CFTR: variants seen among roughly 807,000 people sequenced by gnomAD.
CFTR encodes CF transmembrane conductance regulator.
In CFTR, 181 loss-of-function variants were observed where a neutral mutation model predicts 171.6. That is an observed-to-expected ratio of 1.05 (90% CI 0.93 to 1.19). The LOEUF (loss-of-function observed/expected upper bound fraction) is 1.19. CFTR is among the 50% of genes most tolerant of loss of function. The probability of loss-of-function intolerance (pLI) is 0.00; values close to 1 mark genes in which losing one functional copy is unlikely to be tolerated. For missense variants in CFTR, 1,968 were observed against 1,734.7 expected (o/e 1.13, Z -2.39); for synonymous variants, 583 against 608.0 (o/e 0.96, Z 0.60).
chr7:117,633,969 T>A (rs1792789505), intron 22 of CFTR, among the ~76,000 whole-genome samples: 1 of 152,118 alleles, frequency 6.6e-6, no homozygotes, highest in South Asian at 2.1e-4. Context: ...TTGTGACATC[T>A]TTATCTGCTT....
chr7:117,627,876 C>A, intron 22 of CFTR, 106 bp downstream of exon 22: 1 of 1,161,618 alleles, frequency 8.6e-7, no homozygotes, highest in Non-Finnish European at 1.3e-6. Context: ...TATTATTGTA[C>A]AGTAGAATCA....
chr7:117,542,568 T>G (rs1248960181), intron 9 of CFTR, among the ~76,000 whole-genome samples: 1 of 151,846 alleles, frequency 6.6e-6, no homozygotes, highest in African/African-American at 2.4e-5. Flanking sequence ...AAAATAAAAA[T>G]AAAAATAAAA....
chr7:117,526,207 C>T (rs948185224), intron 3 of CFTR, among the ~76,000 whole-genome samples: 2 of 151,602 alleles, frequency 1.3e-5, no homozygotes, highest in African/African-American at 2.4e-5. Context: ...GATTAAGAAT[C>T]TCACTCAAAG....
In CFTR at chr7:117,590,362, CA is replaced by C. The variant is rs193922505; in HGVS notation, c.1692del (p.Asp565MetfsTer7). ...ARISLARAVY[K>X]DADLYLLDSP... ...TCCATTTTCTTTTTAGAGCAGTATACAAAGATGCTGATTTGTATTTATTAGA... is the reference window on the plus strand; with the variant it reads ...TCCATTTTCTTTTTAGAGCAGTATACAAGATGCTGATTTGTATTTATTAGA... On this transcript the variant is annotated frameshift_variant, in exon 13 of 27. Coordinates refer to ENST00000003084, the MANE Select transcript of CFTR (RefSeq NM_000492.4). LOFTEE classifies it high-confidence loss of function. 3 of 1,602,588 alleles carry C rather than the reference CA, an allele frequency of 1.9e-6. No homozygotes were observed. In the African/African-American group the frequency reaches 4.0e-5, roughly 21 times the overall value.
Position 117,592,014 on chromosome 7 carries a change from T to C in CFTR, c.1847T>C (p.Ile616Thr). 1 of 1,593,178 alleles carries C rather than the reference T, an allele frequency of 6.3e-7. No individual in the cohort carries two copies. Among genetic ancestry groups the C allele is most frequent in the South Asian group, 1.2e-5 (1 of 86,198 alleles). Residue 616 changes from isoleucine to threonine, a missense_variant, in exon 14 of 27, where the codon ATA becomes ACA. Transcript: ENST00000003084. ...GAACATTTAAAGAAAGCTGACAAAA[T>C]ATTAATTTTGCATGAAGGTAGCAGC... ...KMEHLKKADK[I>T]LILHEGSSYF...
chr7:117,548,658 T>C lies in CFTR; in HGVS notation c.1227T>C (p.Phe409=), dbSNP rs778548877. The C allele has an allele frequency of 8.7e-6, 14 of 1,612,968 alleles. No homozygotes were observed. In the African/African-American group the frequency reaches 1.7e-4, roughly 20 times the overall value. The stretch of plus-strand genomic sequence containing the variant: ...TTTAACAGGGATTTGGGGAATTATT[T>C]GAGAAAGCAAAACAAAACAATAACA... The part of the protein sequence containing the change: ...AFWEEGFGEL[F]EKAKQNNNNR... The change falls in exon 10 of 27, where the codon TTT becomes TTC. Residue 409 remains phenylalanine, a synonymous_variant. Coordinates refer to ENST00000003084, the MANE Select transcript of CFTR (RefSeq NM_000492.4).
rs1485239084 is a variant in CFTR at position 117,614,667 on chromosome 7, G to A, written c.3422G>A (p.Ser1141Asn). 2 of 1,612,410 alleles carry A rather than the reference G, an allele frequency of 1.2e-6. No individual in the cohort carries two copies. The highest frequency in any genetic ancestry group is 1.7e-6 in the Non-Finnish European group (2 of 1,178,794). ...CTGACTTTAGCCATGAATATCATGA[G>A]TACATTGCAGTGGGCTGTAAACTCC... is the stretch of plus-strand genomic sequence containing the variant. ...IILTLAMNIM[S>N]TLQWAVNSSI... Residue 1141 changes from serine (S) to asparagine (N), a missense_variant, in exon 21 of 27, where the codon AGT becomes AAT. Ser to Asn is a conservative substitution (Grantham distance 46). Transcript: ENST00000003084.
At chr7:117,563,965 T>G (rs932891788) in intron 11 of CFTR, among the ~76,000 whole-genome samples, 37 of 152,330 alleles carry the variant, frequency 2.4e-4, no homozygotes, top group African/African-American at 8.7e-4. Context: ...TAATGAATTT[T>G]AAGCAAATGT....
chr7:117,573,182 C>G (rs1791721344), intron 11 of CFTR, among the ~76,000 whole-genome samples: 2 of 151,896 alleles, frequency 1.3e-5, no homozygotes, highest in African/African-American at 4.8e-5. Flanking sequence ...TTTGTTTGGT[C>G]CAGTTGAATA....
Position 117,614,600 on chromosome 7 carries a change from T to C in CFTR, c.3368-13T>C, listed in dbSNP as rs1232900574. 16 of 1,552,990 alleles carry C rather than the reference T, an allele frequency of 1.0e-5. No homozygotes were observed. The highest frequency in any genetic ancestry group is 1.4e-5 in the Non-Finnish European group (16 of 1,124,800). On this transcript the variant is annotated splice_polypyrimidine_tract_variant and intron_variant, in intron 20 of 26. Transcript: ENST00000003084. ...TAACATGAGGTTCATTTACGTCTTT[T>C]GTGCATCTATAGGAGAAGGAGAAGG... is the stretch of plus-strand genomic sequence containing the variant.
chr7:117,544,750 A>T (rs1176613586), intron 9 of CFTR, among the ~76,000 whole-genome samples: 1 of 152,208 alleles, frequency 6.6e-6, no homozygotes, highest in Non-Finnish European at 1.5e-5. Context: ...CCAAAACCTT[A>T]TCACTCTTCT....
chr7:117,611,025 C>T (rs989587998), intron 19 of CFTR, among the ~76,000 whole-genome samples: 1 of 152,104 alleles, frequency 6.6e-6, no homozygotes, highest in Non-Finnish European at 1.5e-5. Context: ...TGATACTTGA[C>T]CAAATTTGTC....
intron 1 of CFTR, among the ~76,000 whole-genome samples, chr7:117,490,473 AGTCT>A (rs146293137): frequency 0.015 from 2,235 of 152,094 alleles, 56 homozygotes; most frequent in African/African-American, 0.051. Flanking sequence ...GTCTGAAGGC[AGTCT>A]GTTGGGGAAT....
chr7:117,545,723 G>C (rs1440487195), intron 9 of CFTR, among the ~76,000 whole-genome samples: 1 of 152,108 alleles, frequency 6.6e-6, no homozygotes, highest in Non-Finnish European at 1.5e-5. Context: ...TACACAACTA[G>C]CTAGGGCAGA....
chr7:117,492,266 A>G (rs1798171339), intron 1 of CFTR, among the ~76,000 whole-genome samples: 2 of 152,060 alleles, frequency 1.3e-5, no homozygotes, highest in African/African-American at 4.8e-5. Context: ...AAAGAGAAGA[A>G]ACATTATTAA....
At chr7:117,481,597 T>C (rs1798001922) in intron 1 of CFTR, among the ~76,000 whole-genome samples, 1 of 152,194 alleles carries the variant, frequency 6.6e-6, no homozygotes, top group African/African-American at 2.4e-5. Flanking sequence ...AAAGAAAATG[T>C]ATTACAAAGG....
Position 117,614,685 on chromosome 7 carries a change from T to A in CFTR, c.3440T>A (p.Val1147Glu), listed in dbSNP as rs1202489121. 1.9e-6 allele frequency: 3 copies of A among 1,612,162 alleles called. No homozygotes were observed. The highest frequency in any genetic ancestry group is 2.5e-6 in the Non-Finnish European group (3 of 1,178,466). ...MNIMSTLQWA[V>E]NSSIDVDSLM... Reference sequence around the variant, plus strand: ...ATCATGAGTACATTGCAGTGGGCTGTAAACTCCAGCATAGATGTGGATAGC... The same window carrying A: ...ATCATGAGTACATTGCAGTGGGCTGAAAACTCCAGCATAGATGTGGATAGC... Residue 1147 changes from valine to glutamate, a missense_variant, in exon 21 of 27, where the codon GTA becomes GAA. Coordinates refer to ENST00000003084, the MANE Select transcript of CFTR (RefSeq NM_000492.4).
At chr7:117,516,880 T>C (rs2116651255) in intron 3 of CFTR, among the ~76,000 whole-genome samples, 1 of 152,304 alleles carries the variant, frequency 6.6e-6, no homozygotes, top group East Asian at 1.9e-4. Context: ...TTTGGGTAGG[T>C]TACTTAAATT....
In CFTR at chr7:117,536,603, GA is replaced by G. The variant is rs121908772; in HGVS notation, c.803del (p.Asn268IlefsTer17). On this transcript the variant is annotated frameshift_variant, in exon 7 of 27. Coordinates refer to ENST00000003084, the MANE Select transcript of CFTR (RefSeq NM_000492.4). LOFTEE classifies it high-confidence loss of function. ...ERLVITSEMI[E>X]NIQSVKAYCW... ...ACTTGTGATTACCTCAGAAATGATTGAAAATATCCAATCTGTTAAGGCATAC... is the reference window on the plus strand; with the variant it reads ...ACTTGTGATTACCTCAGAAATGATTGAAATATCCAATCTGTTAAGGCATAC... The G allele has an allele frequency of 3.7e-6, 6 of 1,609,626 alleles. No homozygotes were observed. The Admixed American group carries it at 1.0e-4, about 27-fold the overall frequency.
Sources: allele counts gnomAD v4.1 joint callset (sites outside exome capture counted in the v4.1 genomes callset), GRCh38; gene constraint gnomAD v4.1.1; transcripts MANE v1.5; gene names NCBI Gene and HGNC (gene_info 2026-07-23, HGNC 2026-07-21).